PRDM16: variants seen among roughly 807,000 people sequenced by gnomAD.
The protein encoded by PRDM16 is PR/SET domain 16.
In PRDM16, 23 loss-of-function variants were observed where a neutral mutation model predicts 110.6. The observed-to-expected ratio is 0.21, with a 90% confidence interval of 0.15 to 0.29. PRDM16 has a LOEUF of 0.29. Ranked by LOEUF, PRDM16 falls within the 10% of genes least tolerant of loss-of-function variation. The pLI, the probability that PRDM16 is intolerant of heterozygous loss-of-function variation, is 1.00. For missense variants in PRDM16, 1,615 were observed against 1,794.3 expected, an observed-to-expected ratio of 0.90 and a Z score of 1.81; for synonymous variants, 799 against 781.8, an observed-to-expected ratio of 1.02 and a Z score of -0.37.
chr1:3,236,994 G>A (rs151021701), intron 2 of PRDM16, among the ~76,000 whole-genome samples: 1 of 152,284 alleles, frequency 6.6e-6, no homozygotes, highest in African/African-American at 2.4e-5. Context: ...GAGGAAGCTG[G>A]GGGGCACAGG....
chr1:3,152,736 G>A (rs1643799532), intron 1 of PRDM16, among the ~76,000 whole-genome samples: 1 of 152,186 alleles, frequency 6.6e-6, no homozygotes, highest in South Asian at 2.1e-4. Flanking sequence ...CAGGTCCCCT[G>A]GGGAGGGCTG....
At chr1:3,183,238 G>GTCGGGC (rs1474779787) in intron 1 of PRDM16, among the ~76,000 whole-genome samples, 6 of 152,320 alleles carry the variant, frequency 3.9e-5, no homozygotes, top group African/African-American at 1.4e-4. Flanking sequence ...AGGGCAGAGG[G>GTCGGGC]TCGGGCAGCC....
chr1:3,332,764 C>T (rs1208521834), intron 3 of PRDM16, among the ~76,000 whole-genome samples: 1 of 151,720 alleles, frequency 6.6e-6, no homozygotes, highest in Non-Finnish European at 1.5e-5. Context: ...GACTGCACCC[C>T]AGCAGCACTC....
chr1:3,185,939 G>A (rs1472826332), intron 1 of PRDM16, among the ~76,000 whole-genome samples, 186 bp from the exon 2 acceptor site: 1 of 152,226 alleles, frequency 6.6e-6, no homozygotes, highest in Non-Finnish European at 1.5e-5. Flanking sequence ...CTCTGACATC[G>A]AGTGATGGCA....
chr1:3,410,159 C>G (rs569716015), intron 8 of PRDM16, among the ~76,000 whole-genome samples: 1 of 150,624 alleles, frequency 6.6e-6, no homozygotes, highest in African/African-American at 2.4e-5. Flanking sequence ...GTTGTGTGTG[C>G]TGTGTGTGTG....
rs999783806 is a variant in PRDM16, at chr1:3,435,370, T to C, written c.*1559T>C. Reference sequence around the variant, plus strand: ...CAAAACCGTGTGATAAGGTTGTGTGTCGTGTGGGAGTGGGGCGATTTTTTA... The same window carrying C: ...CAAAACCGTGTGATAAGGTTGTGTGCCGTGTGGGAGTGGGGCGATTTTTTA... On this transcript the variant is annotated 3_prime_UTR_variant, in exon 17 of 17. Coordinates refer to ENST00000270722, the MANE Select transcript of PRDM16 (RefSeq NM_022114.4). 5 of 231,030 alleles carry C rather than the reference T, an allele frequency of 2.2e-5. No homozygotes were observed. Among genetic ancestry groups the C allele is most frequent in the South Asian group, 1.8e-4 (1 of 5,506 alleles). 14.3% of individuals were successfully genotyped at this position (231,030 alleles called of 1,614,324 possible).
intron 1 of PRDM16, among the ~76,000 whole-genome samples, chr1:3,122,115 G>A (rs761274933): frequency 2.1e-4 from 32 of 152,124 alleles, no homozygotes; most frequent in African/African-American, 7.5e-4. Context: ...AGGCGGACAC[G>A]TCCAGCCATG....
At chr1:3,409,150 T>A (rs1170598851) in intron 8 of PRDM16, among the ~76,000 whole-genome samples, 1 of 146,082 alleles carries the variant, frequency 6.8e-6, no homozygotes, top group Admixed American at 6.8e-5. Context: ...TGAGTGTGGG[T>A]GTGTGTGAGT....
chr1:3,247,597 C>T (rs555175078), intron 3 of PRDM16, among the ~76,000 whole-genome samples: 115 of 152,364 alleles, frequency 7.5e-4, no homozygotes, highest in Non-Finnish European at 1.5e-3. Flanking sequence ...CAGCTTCGCC[C>T]TGGACTCCCG....
In PRDM16 at chr1:3,353,869, G is replaced by A. The variant is rs1401807880; in HGVS notation, c.439-31283G>A. 6.6e-6 allele frequency among the ~76,000 whole-genome samples: 1 copy of A among 152,070 alleles called. No individual in the cohort carries two copies. The highest frequency in any genetic ancestry group is 2.4e-5 in the African/African-American group (1 of 41,434). On this transcript the variant is annotated intron_variant, in intron 3 of 16. Coordinates refer to ENST00000270722, the MANE Select transcript of PRDM16 (RefSeq NM_022114.4). This position sits in a 1 kb window ranked among gnomAD's most constrained non-coding sequence, Gnocchi z 5.4. ...GACAGGCGCAGCTGGGAGCAGCTTG[G>A]TAGACCTAGGGGGTCTTTCTAGAAG...
chr1:3,180,954 GCAGTCTTACACACT>G (rs142290699), intron 1 of PRDM16, among the ~76,000 whole-genome samples: 2,463 of 146,612 alleles, frequency 0.017, 88 homozygotes, highest in East Asian at 0.1. Context: ...CCTTACACAC[GCAGTCTTACACACT>G]CGGTCTTACA....
intron 1 of PRDM16, among the ~76,000 whole-genome samples, chr1:3,105,975 G>A (rs1346960563): frequency 6.7e-6 from 1 of 150,316 alleles, no homozygotes; most frequent in East Asian, 2.0e-4. Context: ...TTGGGTGGGG[G>A]CAGGACATGT....
intron 3 of PRDM16, among the ~76,000 whole-genome samples, chr1:3,378,382 G>A (rs1643032446): frequency 6.6e-6 from 1 of 152,170 alleles, no homozygotes; most frequent in Admixed American, 6.5e-5. Flanking sequence ...GGACTGCCCA[G>A]GCCTGCTTTG....
In PRDM16 at chr1:3,287,854, G is replaced by A. The variant is rs983628756; in HGVS notation, c.438+43717G>A. 4.6e-5 allele frequency among the ~76,000 whole-genome samples: 7 copies of A among 152,218 alleles called. No homozygotes were observed. In the South Asian group the frequency reaches 6.2e-4, roughly 14 times the overall value. ...CGGGACTGCAGCCGCCCCGCCACGCGGGCATCCAGGATTGCATTTACCGGG... is the reference window on the plus strand; with the variant it reads ...CGGGACTGCAGCCGCCCCGCCACGCAGGCATCCAGGATTGCATTTACCGGG... On this transcript the variant is annotated intron_variant, in intron 3 of 16. Transcript: ENST00000270722.
At chr1:3,340,312 G>A (rs2100511342) in intron 3 of PRDM16, among the ~76,000 whole-genome samples, 1 of 152,154 alleles carries the variant, frequency 6.6e-6, no homozygotes, top group Admixed American at 6.5e-5. Flanking sequence ...ACAGGTGGTG[G>A]CCTCTCCCTC....
chr1:3,227,774 G>A (rs1312010467), intron 2 of PRDM16, among the ~76,000 whole-genome samples: 1 of 152,216 alleles, frequency 6.6e-6, no homozygotes, highest in African/African-American at 2.4e-5. Context: ...TGGCTGTGAA[G>A]AGCTTCTTGC....
At chr1:3,135,310 G>A (rs192497001) in intron 1 of PRDM16, among the ~76,000 whole-genome samples, 16 of 152,308 alleles carry the variant, frequency 1.1e-4, no homozygotes, top group Admixed American at 7.8e-4. Flanking sequence ...GGGGCAGGGC[G>A]GGCCACGTGA....
chr1:3,083,597 G>T (rs1029724176), intron 1 of PRDM16, among the ~76,000 whole-genome samples: 4 of 90,544 alleles, frequency 4.4e-5, no homozygotes, highest in African/African-American at 1.4e-4. Context: ...CCTGCTGTCA[G>T]GGGAGGCGGG....
At chr1:3,187,478 C>T (rs1300369452) in intron 2 of PRDM16, among the ~76,000 whole-genome samples, 6 of 152,192 alleles carry the variant, frequency 3.9e-5, no homozygotes, top group Admixed American at 3.9e-4. Flanking sequence ...CCTGGTGGCT[C>T]GTGGCTCTGG....
Sources: gnomAD v4.1 joint callset for allele counts (sites outside exome capture counted in the v4.1 genomes callset) on GRCh38, gnomAD v4.1.1 for gene constraint, Gnocchi (gnomAD v3.1) non-coding constraint, MANE v1.5 for transcripts, NCBI Gene and HGNC (gene_info 2026-07-23, HGNC 2026-07-21) for gene names.